Variants in LMBR1 observed in about 807,000 individuals in gnomAD.
LMBR1 encodes limb region 1 protein homolog.
Under a neutral mutation model 73.9 loss-of-function variants are expected in LMBR1, and 52 were observed. That is an observed-to-expected ratio of 0.70 (90% CI 0.56 to 0.89). The LOEUF is 0.89. Ranked by LOEUF, LMBR1 falls within the 40% of genes least tolerant of loss-of-function variation. The pLI, the probability that LMBR1 is intolerant of heterozygous loss-of-function variation, is 0.00. For missense variants in LMBR1, 539 were observed against 579.8 expected (o/e 0.93, Z 0.72); for synonymous variants, 215 against 209.4 (o/e 1.03, Z -0.23).
At chr7:156,740,417 T>G (rs557290664) in intron 9 of LMBR1, among the ~76,000 whole-genome samples, 2 of 152,184 alleles carry the variant, frequency 1.3e-5, no homozygotes, top group South Asian at 2.1e-4. Context: ...GAACACCAAG[T>G]AGATTTAACT....
rs564847408 is a variant in LMBR1 at position 156,772,948 on chromosome 7, A to G, written c.424-9153T>C. Among the ~76,000 whole-genome samples the G allele has an allele frequency of 2.1e-4, 32 of 152,172 alleles. 1 individual carries two copies. Among genetic ancestry groups the G allele is most frequent in the Non-Finnish European group, 3.8e-4 (26 of 68,022 alleles). On this transcript the variant is annotated intron_variant, in intron 5 of 16. Coordinates refer to ENST00000353442, the MANE Select transcript of LMBR1 (RefSeq NM_022458.4). ...CTCTGTTTGCAGATGATATAATTTC[A>G]TATCTAGAAAATCCCATAGTGTCTG...
intron 1 of LMBR1, among the ~76,000 whole-genome samples, chr7:156,840,959 G>A (rs1157314901): frequency 7.5e-6 from 1 of 132,968 alleles, no homozygotes; most frequent in Non-Finnish European, 1.6e-5. Context: ...AGCAAGACTC[G>A]GTCTCAAAAA....
At position 156,757,138 on chromosome 7, in the gene LMBR1, A is replaced by G. The variant is rs535240764; in HGVS notation, c.685-673T>C. Among the ~76,000 whole-genome samples, 20 of 152,326 alleles carry G rather than the reference A, an allele frequency of 1.3e-4. No homozygotes were observed. The South Asian group carries it at 4.1e-3, about 32-fold the overall frequency. On this transcript the variant is annotated intron_variant, in intron 8 of 16. Coordinates refer to ENST00000353442, the MANE Select transcript of LMBR1 (RefSeq NM_022458.4). The stretch of plus-strand genomic sequence containing the variant: ...CCCAGCCTACATGTACCAATTTTAA[A>G]CAGCCAAAAAGCTAACTACGGTAAA...
chr7:156,855,999 T>C (rs1796912513), intron 1 of LMBR1, among the ~76,000 whole-genome samples: 1 of 152,032 alleles, frequency 6.6e-6, no homozygotes, highest in South Asian at 2.1e-4. Flanking sequence ...ATCAAGACCA[T>C]CCTGGCTAAC....
intron 5 of LMBR1, among the ~76,000 whole-genome samples, chr7:156,783,078 T>G (rs1327362553): frequency 6.6e-6 from 1 of 152,210 alleles, no homozygotes; most frequent in East Asian, 1.9e-4. Flanking sequence ...GCTTGTCACA[T>G]TCTATAAGAA....
At chr7:156,756,514 T>C (rs751330268) in intron 8 of LMBR1, 49 bp from the exon 9 acceptor site, 2 of 871,704 alleles carry the variant, frequency 2.3e-6, no homozygotes, top group Non-Finnish European at 3.7e-6. Context: ...ATAAAACGAA[T>C]GCTTATGAGA....
chr7:156,729,520 C>CTGGA (rs1247442013), intron 10 of LMBR1, among the ~76,000 whole-genome samples: 1 of 144,500 alleles, frequency 6.9e-6, no homozygotes, highest in Non-Finnish European at 1.5e-5. Flanking sequence ...GTCTCCCAGG[C>CTGGA]TGGAGTGCAG....
At chr7:156,692,656 A>T (rs1252299703) in intron 15 of LMBR1, among the ~76,000 whole-genome samples, 2 of 152,228 alleles carry the variant, frequency 1.3e-5, no homozygotes, top group African/African-American at 4.8e-5. Flanking sequence ...GAGAGACTGC[A>T]GTGTAGAGAG....
intron 7 of LMBR1, among the ~76,000 whole-genome samples, chr7:156,762,850 T>TGA (rs1563302643): frequency 7.0e-6 from 1 of 143,000 alleles, no homozygotes; most frequent in Non-Finnish European, 1.5e-5. Context: ...AGTGTGAGTG[T>TGA]GTGTGTGTGT....
downstream of LMBR1, among the ~76,000 whole-genome samples, chr7:156,673,001 C>A (rs541375490): frequency 6.6e-6 from 1 of 152,206 alleles, no homozygotes; most frequent in Non-Finnish European, 1.5e-5. Context: ...AGGCCCGGGG[C>A]AAAGCCTGAA....
At chr7:156,821,079 C>T (rs559337989) in intron 4 of LMBR1, among the ~76,000 whole-genome samples, 89 of 152,212 alleles carry the variant, frequency 5.8e-4, no homozygotes, top group Non-Finnish European at 8.4e-4. Context: ...ACCAAGTTAC[C>T]ATGGGACCTG....
intron 9 of LMBR1, among the ~76,000 whole-genome samples, chr7:156,752,806 G>T (rs914385161): frequency 6.6e-6 from 1 of 152,148 alleles, no homozygotes; most frequent in Non-Finnish European, 1.5e-5. Context: ...AGCCAGCTAG[G>T]AGTGAGAGCA....
chr7:156,803,409 C>T (rs1257038776), intron 4 of LMBR1, among the ~76,000 whole-genome samples: 1 of 152,116 alleles, frequency 6.6e-6, no homozygotes, highest in Non-Finnish European at 1.5e-5. Flanking sequence ...AAATGCTCAT[C>T]ATCACTGGCC....
At chr7:156,876,391 T>C (rs1800175686) in intron 1 of LMBR1, among the ~76,000 whole-genome samples, 1 of 152,198 alleles carries the variant, frequency 6.6e-6, no homozygotes, top group Non-Finnish European at 1.5e-5. Flanking sequence ...AGTACTCCAC[T>C]GACAGCACTA....
chr7:156,752,191 C>G (rs908513806), intron 9 of LMBR1, among the ~76,000 whole-genome samples: 1 of 152,142 alleles, frequency 6.6e-6, no homozygotes, highest in Admixed American at 6.5e-5. Context: ...CACAGACCAA[C>G]CTGACCATGG....
chr7:156,864,862 G>C (rs952525331), intron 1 of LMBR1, among the ~76,000 whole-genome samples: 1 of 152,040 alleles, frequency 6.6e-6, no homozygotes, highest in African/African-American at 2.4e-5. Flanking sequence ...CAGGCACGGT[G>C]GTGGGTGCTT....
chr7:156,815,098 G>T (rs1833696917), intron 4 of LMBR1, among the ~76,000 whole-genome samples: 1 of 149,454 alleles, frequency 6.7e-6, no homozygotes. Flanking sequence ...AGAGGTTGTG[G>T]TGAGCCAAGA....
chr7:156,807,218 T>C (rs1236409833), intron 4 of LMBR1, among the ~76,000 whole-genome samples: 1 of 152,224 alleles, frequency 6.6e-6, no homozygotes, highest in Non-Finnish European at 1.5e-5. Flanking sequence ...TGCCTGGTTT[T>C]GGTATGAGGG....
At chr7:156,674,745 T>C (rs1803418202), downstream of LMBR1, among the ~76,000 whole-genome samples, 1 of 152,228 alleles carries the variant, frequency 6.6e-6, no homozygotes, top group South Asian at 2.1e-4. Context: ...AGTGATAATA[T>C]TTTGGATCTG....
Sources: allele counts gnomAD v4.1 joint callset (sites outside exome capture counted in the v4.1 genomes callset), GRCh38; gene constraint gnomAD v4.1.1; transcripts MANE v1.5; gene names NCBI Gene and HGNC (gene_info 2026-07-23, HGNC 2026-07-21).